The following MAP2K4 variants were observed in gnomAD, a reference collection of about 807,000 sequenced individuals.
MAP2K4 encodes the protein mitogen-activated protein kinase kinase 4.
Under a neutral mutation model 48.5 loss-of-function variants are expected in MAP2K4, and 4 were observed. That is an observed-to-expected ratio of 0.08 (90% CI 0.04 to 0.19). MAP2K4 has a LOEUF of 0.19. MAP2K4 is among the 10% of genes least tolerant of loss of function. MAP2K4 has a pLI of 1.00. For synonymous variants in MAP2K4, 166 were observed against 173.1 expected, an observed-to-expected ratio of 0.96 and a Z score of 0.32; for missense variants, 258 against 493.3, an observed-to-expected ratio of 0.52 and a Z score of 4.52.
chr17:12,053,792 A>G (rs991100535), intron 1 of MAP2K4, among the ~76,000 whole-genome samples: 11 of 152,136 alleles, frequency 7.2e-5, no homozygotes, highest in African/African-American at 2.6e-4. Context: ...CATCTTCTCC[A>G]TCCAGTGTGG....
intron 3 of MAP2K4, among the ~76,000 whole-genome samples, chr17:12,094,328 T>TAGAA (rs1971659358): frequency 6.6e-6 from 1 of 152,252 alleles, no homozygotes; most frequent in African/African-American, 2.4e-5. Context: ...AACCTACTTC[T>TAGAA]GTTCCTTAAA....
At chr17:12,033,831 G>A (rs575675540) in intron 1 of MAP2K4, among the ~76,000 whole-genome samples, 4 of 151,796 alleles carry the variant, frequency 2.6e-5, no homozygotes, top group East Asian at 3.9e-4. Context: ...TGTTCATTTC[G>A]GAGACAGAGT....
intron 8 of MAP2K4, among the ~76,000 whole-genome samples, chr17:12,127,197 T>C (rs944815840): frequency 1.3e-5 from 2 of 152,180 alleles, no homozygotes; most frequent in African/African-American, 4.8e-5. Context: ...TTTACTTTAC[T>C]TTGTGACCAA....
At chr17:12,113,599 C>T (rs541232785) in intron 7 of MAP2K4, among the ~76,000 whole-genome samples, 1 of 152,280 alleles carries the variant, frequency 6.6e-6, no homozygotes, top group South Asian at 2.1e-4. Context: ...TTGTGGTCTT[C>T]TCTGATTATT....
At chr17:12,029,352 T>G (rs910598562) in intron 1 of MAP2K4, among the ~76,000 whole-genome samples, 1 of 152,180 alleles carries the variant, frequency 6.6e-6, no homozygotes, top group Non-Finnish European at 1.5e-5. Context: ...AAATAAATAT[T>G]ATTCTTGATA....
intron 7 of MAP2K4, among the ~76,000 whole-genome samples, chr17:12,114,171 T>G (rs1191211551): frequency 6.6e-6 from 1 of 152,176 alleles, no homozygotes; most frequent in Non-Finnish European, 1.5e-5. Flanking sequence ...AAATTGTTCT[T>G]TCTTGGTTTC....
At position 12,113,206 on chromosome 17, in the gene MAP2K4, A is replaced by ATAC; in HGVS notation, c.686-25_686-23dup. The ATAC allele has an allele frequency of 1.9e-6, 3 of 1,607,280 alleles. No individual in the cohort carries two copies. In the South Asian group the frequency reaches 3.3e-5, roughly 18 times the overall value. On this transcript the variant is annotated intron_variant, in intron 6 of 10. Transcript: ENST00000353533. ...TGTAACTTAGGAAGAAGCTAATTGT[A>ATAC]TACTGAATGATATCTATGTCTTGCA...
intron 2 of MAP2K4, among the ~76,000 whole-genome samples, chr17:12,063,061 C>G (rs1970502637): frequency 6.6e-6 from 1 of 152,140 alleles, no homozygotes; most frequent in South Asian, 2.1e-4. Flanking sequence ...GTTCTTCTGA[C>G]ATTGCTATAT....
intron 4 of MAP2K4, among the ~76,000 whole-genome samples, chr17:12,103,561 G>A (rs571492496): frequency 2.0e-5 from 3 of 151,844 alleles, no homozygotes; most frequent in African/African-American, 7.2e-5. Flanking sequence ...ATCCTATATT[G>A]GCATATTTAC....
chr17:12,113,744 C>G (rs1260814869), intron 7 of MAP2K4, among the ~76,000 whole-genome samples: 1 of 152,144 alleles, frequency 6.6e-6, no homozygotes, highest in African/African-American at 2.4e-5. Flanking sequence ...GAGTCTGAAG[C>G]TGCATATTTT....
intron 3 of MAP2K4, among the ~76,000 whole-genome samples, chr17:12,090,733 G>A (rs1403853108): frequency 1.3e-5 from 2 of 152,118 alleles, no homozygotes; most frequent in East Asian, 3.9e-4. Flanking sequence ...CCATTATGAT[G>A]GGATTGAGGC....
At chr17:12,134,028 C>T (rs182711402) in intron 9 of MAP2K4, among the ~76,000 whole-genome samples, 18 of 152,362 alleles carry the variant, frequency 1.2e-4, no homozygotes, top group African/African-American at 1.9e-4. Context: ...CTAACAACAA[C>T]GCCTGTGTTG....
At chr17:12,082,102 C>T in intron 3 of MAP2K4, 1 of 317,012 alleles carries the variant, frequency 3.2e-6, no homozygotes, top group Non-Finnish European at 6.9e-6. Context: ...AATGTTGTCA[C>T]ATTTTGTCCT....
intron 7 of MAP2K4, among the ~76,000 whole-genome samples, chr17:12,123,520 A>G (rs1427485186): frequency 2.0e-5 from 3 of 151,642 alleles, no homozygotes; most frequent in African/African-American, 4.8e-5. Context: ...TTGTTTTTCT[A>G]TTCCTGTTTT....
rs147879769 is a variant in MAP2K4, at chr17:12,133,345, G to A, written c.1040+4058G>A. 3.3e-5 allele frequency among the ~76,000 whole-genome samples: 5 copies of A among 152,300 alleles called. No homozygotes were observed. In the East Asian group the frequency reaches 9.6e-4, roughly 29 times the overall value. On this transcript the variant is annotated intron_variant, in intron 9 of 10. Transcript: ENST00000353533. ...AATCCGCCCGCTTCAGCCTCCCAGA[G>A]TGCTGGGATTACAGGCGTGAGCCAC...
At chr17:12,033,734 T>G (rs1348537129) in intron 1 of MAP2K4, among the ~76,000 whole-genome samples, 2 of 152,236 alleles carry the variant, frequency 1.3e-5, no homozygotes, top group Non-Finnish European at 2.9e-5. Context: ...AAATGTCTGC[T>G]TAATATTTAG....
chr17:12,111,114 C>G (rs949257733), intron 6 of MAP2K4, among the ~76,000 whole-genome samples: 2 of 152,038 alleles, frequency 1.3e-5, no homozygotes, highest in Admixed American at 6.6e-5. Context: ...AATCACTACC[C>G]CTCAGCAAAT....
intron 4 of MAP2K4, among the ~76,000 whole-genome samples, chr17:12,106,629 T>C (rs1972122319): frequency 6.6e-6 from 1 of 152,086 alleles, no homozygotes; most frequent in African/African-American, 2.4e-5. Context: ...AGGAGATTAA[T>C]GGGTAGAAAA....
intron 7 of MAP2K4, chr17:12,124,955 G>T (rs544594939): frequency 1.7e-4 from 44 of 258,298 alleles, no homozygotes; most frequent in African/African-American, 9.4e-4. Context: ...GATTACGGGC[G>T]TGCGCCACTG....
Sources: gnomAD v4.1 joint callset for allele counts (sites outside exome capture counted in the v4.1 genomes callset) on GRCh38, gnomAD v4.1.1 for gene constraint, MANE v1.5 for transcripts, NCBI Gene and HGNC (gene_info 2026-07-23, HGNC 2026-07-21) for gene names.